Variants in MAP3K20 observed in about 807,000 individuals in gnomAD.
MAP3K20 encodes mitogen-activated protein kinase kinase kinase 20.
MAP3K20 carries 40 observed loss-of-function variants against 85.7 expected under a neutral mutation model. That is an observed-to-expected ratio of 0.47 (90% CI 0.36 to 0.61). MAP3K20 has a LOEUF of 0.61. Among genes scored for constraint, MAP3K20 ranks in the 20% least tolerant of loss-of-function variants. The pLI is 0.00. For missense variants in MAP3K20, 817 were observed against 961.7 expected, an observed-to-expected ratio of 0.85 and a Z score of 1.99; for synonymous variants, 325 against 327.7, an observed-to-expected ratio of 0.99 and a Z score of 0.09.
At chr2:173,130,338 A>G (rs967986073) in intron 2 of MAP3K20, among the ~76,000 whole-genome samples, 2 of 152,238 alleles carry the variant, frequency 1.3e-5, no homozygotes, top group African/African-American at 2.4e-5. Context: ...AAAGCACCTT[A>G]TAGACAATAT....
intron 7 of MAP3K20, among the ~76,000 whole-genome samples, chr2:173,192,251 C>T (rs1056382098): frequency 1.6e-4 from 25 of 152,112 alleles, no homozygotes; most frequent in Admixed American, 1.0e-3. Flanking sequence ...AGGAGATTCA[C>T]GTTGTCAGAC....
chr2:173,085,978 T>C (rs1038296866), intron 1 of MAP3K20, among the ~76,000 whole-genome samples: 3 of 151,752 alleles, frequency 2.0e-5, no homozygotes, highest in Admixed American at 1.3e-4. Context: ...GCATTTTTAG[T>C]AGAGATGGGG....
intron 10 of MAP3K20, 129 bp downstream of exon 10, chr2:173,209,964 GTTT>G (rs749786998): frequency 1.2e-6 from 1 of 840,578 alleles, no homozygotes; most frequent in Admixed American, 2.5e-5. Flanking sequence ...AAAAGAAAAG[GTTT>G]TTTTTATGAT....
At chr2:173,084,443 G>A (rs1455138930) in intron 1 of MAP3K20, among the ~76,000 whole-genome samples, 18 of 142,724 alleles carry the variant, frequency 1.3e-4, no homozygotes, top group Admixed American at 3.5e-4. Flanking sequence ...AAAAAGAAAA[G>A]TATTGTGTTT....
At chr2:173,244,827 C>T (rs1684877488) in intron 16 of MAP3K20, among the ~76,000 whole-genome samples, 1 of 152,154 alleles carries the variant, frequency 6.6e-6, no homozygotes, top group African/African-American at 2.4e-5. Context: ...GAAAAAAAGG[C>T]TTCCTCCACA....
intron 4 of MAP3K20, among the ~76,000 whole-genome samples, chr2:173,183,960 AAATT>A (rs1559267462): frequency 6.6e-6 from 1 of 152,164 alleles, no homozygotes. Flanking sequence ...AAGTGAAAAA[AAATT>A]TTTTTTGAGT....
chr2:173,131,482 A>T lies in MAP3K20; in HGVS notation c.160-38323A>T, dbSNP rs532034919. 2.4e-4 allele frequency among the ~76,000 whole-genome samples: 36 copies of T among 152,320 alleles called. No individual in the cohort carries two copies. The South Asian group carries it at 7.5e-3, about 32-fold the overall frequency. On this transcript the variant is annotated intron_variant, in intron 2 of 19. Coordinates refer to ENST00000375213, the MANE Select transcript of MAP3K20 (RefSeq NM_016653.3). ...AGATAGGAACCATGAAACCAGTCAT[A>T]TATACAAGTAGTTGTTTTTGAAATT...
chr2:173,217,821 C>A (rs1684122404), intron 11 of MAP3K20, among the ~76,000 whole-genome samples: 1 of 152,194 alleles, frequency 6.6e-6, no homozygotes. Context: ...GTATTTATTA[C>A]ACCTAGGCAG....
At chr2:173,216,510 G>T (rs36053895) in intron 10 of MAP3K20, among the ~76,000 whole-genome samples, 45,227 of 148,890 alleles carry the variant, frequency 0.3, 8,330 homozygotes, top group Non-Finnish European at 0.42. Flanking sequence ...GTTCTGGTGT[G>T]TTTTTTTTTT....
chr2:173,144,369 A>G (rs1689065892), intron 2 of MAP3K20, among the ~76,000 whole-genome samples: 1 of 149,128 alleles, frequency 6.7e-6, no homozygotes, highest in Admixed American at 6.7e-5. Context: ...AGGCTGAGGC[A>G]GGAGAATGGT....
intron 3 of MAP3K20, among the ~76,000 whole-genome samples, chr2:173,178,899 A>G (rs1278914079): frequency 1.3e-5 from 2 of 152,194 alleles, no homozygotes; most frequent in Non-Finnish European, 2.9e-5. Context: ...TCTTAATCAT[A>G]TTAGCATACT....
rs1287553304 is a variant in MAP3K20, at chr2:173,207,607, T to C, written c.745-2122T>C. On this transcript the variant is annotated intron_variant, in intron 9 of 19. Coordinates refer to ENST00000375213, the MANE Select transcript of MAP3K20 (RefSeq NM_016653.3). ...CAGAGCCCTTGGTTCTGTAACTTGC[T>C]TCCTGTGTGATGCTGGGCACTTCCT... 2.6e-5 allele frequency: 4 copies of C among 152,396 alleles called. No homozygotes were observed. In the East Asian group the frequency reaches 7.7e-4, roughly 29 times the overall value. 9.4% of individuals were successfully genotyped at this position (152,396 alleles called of 1,614,324 possible).
intron 14 of MAP3K20, among the ~76,000 whole-genome samples, chr2:173,236,369 A>C (rs1022197952): frequency 4.0e-5 from 6 of 149,828 alleles, no homozygotes; most frequent in African/African-American, 1.5e-4. Context: ...TGTTGGAAGC[A>C]GCCACTTAAA....
intron 16 of MAP3K20, among the ~76,000 whole-genome samples, chr2:173,248,045 G>A (rs752031169): frequency 1.4e-4 from 22 of 152,308 alleles, no homozygotes; most frequent in African/African-American, 4.8e-4. Flanking sequence ...GTGTGCAGGC[G>A]AAGTGAGAAA....
At chr2:173,247,186 A>G (rs962718909) in intron 16 of MAP3K20, among the ~76,000 whole-genome samples, 1 of 152,220 alleles carries the variant, frequency 6.6e-6, no homozygotes, top group Non-Finnish European at 1.5e-5. Context: ...TCTATAGGTT[A>G]AAAATTCGGC....
chr2:173,127,260 T>G (rs1688471178), intron 2 of MAP3K20, among the ~76,000 whole-genome samples: 1 of 152,228 alleles, frequency 6.6e-6, no homozygotes, highest in Non-Finnish European at 1.5e-5. Context: ...TCCTCTTCAT[T>G]TAAGAATTCT....
intron 14 of MAP3K20, among the ~76,000 whole-genome samples, chr2:173,236,423 A>G (rs563631016): frequency 1.3e-5 from 2 of 152,060 alleles, no homozygotes; most frequent in Non-Finnish European, 2.9e-5. Flanking sequence ...GAGTCAGTGT[A>G]ATGTTCTCTT....
At chr2:173,226,506 T>G in intron 11 of MAP3K20, 2 of 985,746 alleles carry the variant, frequency 2.0e-6, no homozygotes, top group Non-Finnish European at 2.4e-6. Flanking sequence ...AAATCTATTC[T>G]CTCCTCTCGA....
At chr2:173,134,506 A>G (rs1341054648) in intron 2 of MAP3K20, among the ~76,000 whole-genome samples, 1 of 139,604 alleles carries the variant, frequency 7.2e-6, no homozygotes, top group Admixed American at 7.5e-5. Context: ...ACCTCAAGTA[A>G]TCCGCCCGTT....
Sources: allele counts gnomAD v4.1 joint callset (sites outside exome capture counted in the v4.1 genomes callset), GRCh38; gene constraint gnomAD v4.1.1; transcripts MANE v1.5; gene names NCBI Gene and HGNC (gene_info 2026-07-23, HGNC 2026-07-21).